Variants in PARD6G observed in about 807,000 individuals in gnomAD.
PARD6G encodes par-6 family cell polarity regulator gamma, also known as partitioning defective 6 homolog gamma.
PARD6G carries 7 observed loss-of-function variants against 10.7 expected under a neutral mutation model. The observed-to-expected ratio is 0.66, with a 90% CI of 0.37 to 1.23. The LOEUF is 1.23. PARD6G is among the 50% of genes most tolerant of loss of function. The pLI, the probability that PARD6G is intolerant of heterozygous loss-of-function variation, is 0.02. For missense variants in PARD6G, 548 were observed against 571.8 expected (o/e 0.96, Z 0.42); for synonymous variants, 287 against 269.4 (o/e 1.07, Z -0.64).
chr18:80,224,847 A>AG (rs71852556), intron 1 of PARD6G, among the ~76,000 whole-genome samples: 2 of 101,246 alleles, frequency 2.0e-5, no homozygotes, highest in East Asian at 1.1e-3. Flanking sequence ...ACTCCGTTTC[A>AG]AAAAAAAAAG....
rs1018230108 is a variant in PARD6G, at chr18:80,183,043, C to T, written c.295+19667G>A. ...CTCATGAGGGGCCAGCTGCGTGGGC[C>T]ATCCATTCTCTACCATGGCATGCCG... On this transcript the variant is annotated intron_variant, in intron 2 of 2. Coordinates refer to ENST00000353265, the MANE Select transcript of PARD6G (RefSeq NM_032510.4). This position sits in a 1 kb window ranked among gnomAD's most constrained non-coding sequence, Gnocchi z 4.5. 1 of 699,560 alleles carries T rather than the reference C, an allele frequency of 1.4e-6. No homozygotes were observed. The highest frequency in any genetic ancestry group is 2.6e-6 in the Non-Finnish European group (1 of 383,374). The allele number at this position is 699,560 out of a possible 1,614,324, so 43.3% of individuals were successfully genotyped here.
chr18:80,223,496 T>C (rs1246784402), intron 1 of PARD6G, among the ~76,000 whole-genome samples: 2 of 152,222 alleles, frequency 1.3e-5, no homozygotes, highest in East Asian at 3.9e-4. Context: ...GATACACAGA[T>C]GACCAAAAAA....
At chr18:80,209,916 A>C (rs1263721538) in intron 1 of PARD6G, among the ~76,000 whole-genome samples, 1 of 152,242 alleles carries the variant, frequency 6.6e-6, no homozygotes, top group Non-Finnish European at 1.5e-5. Flanking sequence ...AAAATAAGAA[A>C]TGTCCATCTA....
intron 2 of PARD6G, among the ~76,000 whole-genome samples, chr18:80,172,421 C>T (rs988237829): frequency 2.7e-5 from 4 of 150,894 alleles, no homozygotes; most frequent in Admixed American, 6.6e-5. Context: ...GTCTGTTGCC[C>T]GAGCTGGAAT....
intron 2 of PARD6G, chr18:80,162,468 C>T (rs1399417583): frequency 1.2e-5 from 2 of 168,994 alleles, no homozygotes; most frequent in African/African-American, 2.4e-5. Context: ...CAAGTCCTTT[C>T]TTGCACACTC....
intron 1 of PARD6G, among the ~76,000 whole-genome samples, chr18:80,222,353 T>G (rs1018189124): frequency 6.6e-6 from 1 of 152,068 alleles, no homozygotes; most frequent in Admixed American, 6.6e-5. Context: ...CCTCCCAAAG[T>G]GTTGGGACTA....
chr18:80,220,985 T>C (rs1424830115), intron 1 of PARD6G, among the ~76,000 whole-genome samples: 4 of 152,166 alleles, frequency 2.6e-5, no homozygotes, highest in African/African-American at 9.7e-5. Flanking sequence ...GACTGATTCC[T>C]AGAAAAAGAC....
intron 1 of PARD6G, among the ~76,000 whole-genome samples, chr18:80,206,440 C>A (rs1159484023): frequency 6.6e-6 from 1 of 152,174 alleles, no homozygotes; most frequent in Non-Finnish European, 1.5e-5. Flanking sequence ...AAAGTCCTTC[C>A]AGTATACTTA....
intron 1 of PARD6G, among the ~76,000 whole-genome samples, chr18:80,212,357 T>C (rs1381976667): frequency 6.6e-6 from 1 of 152,142 alleles, no homozygotes; most frequent in Non-Finnish European, 1.5e-5. Flanking sequence ...AATGAATAAA[T>C]ACAAATTATT....
intron 1 of PARD6G, among the ~76,000 whole-genome samples, chr18:80,217,978 A>G (rs2145291901): frequency 6.6e-6 from 1 of 152,298 alleles, no homozygotes; most frequent in East Asian, 1.9e-4. Flanking sequence ...GAATTCACTC[A>G]CTATCACAAG....
rs1010590636 is a variant in PARD6G, at chr18:80,246,767, G to T, written c.72+510C>A. Among the ~76,000 whole-genome samples the T allele has an allele frequency of 2.0e-5, 3 of 151,984 alleles. No homozygotes were observed. The highest frequency in any genetic ancestry group is 4.4e-5 in the Non-Finnish European group (3 of 67,932). ...GGTGCCTAGATGTTTGGTACCGAGC[G>T]GGTGGGGGACGCCGGGCTCGGAGCC... On this transcript the variant is annotated intron_variant, in intron 1 of 2. Transcript: ENST00000353265. This position sits in a 1 kb window ranked among gnomAD's most constrained non-coding sequence, Gnocchi z 6.7.
rs183459031 is a variant in PARD6G at position 80,237,355 on chromosome 18, A to G, written c.72+9922T>C. 2.4e-3 allele frequency among the ~76,000 whole-genome samples: 370 copies of G among 152,338 alleles called. 1 individual carries two copies. The highest frequency in any genetic ancestry group is 7.7e-3 in the African/African-American group (322 of 41,586). Reference sequence around the variant, plus strand: ...CACCTTATACAAAAATTAATTCAAGATGGATTAAAGACTTAAATGTTAGAC... The same window carrying G: ...CACCTTATACAAAAATTAATTCAAGGTGGATTAAAGACTTAAATGTTAGAC... On this transcript the variant is annotated intron_variant, in intron 1 of 2. Transcript: ENST00000353265.
In PARD6G at chr18:80,159,639, G is replaced by C; in HGVS notation, c.*132C>G. The C allele has an allele frequency of 2.4e-6, 3 of 1,261,108 alleles. No individual in the cohort carries two copies. Among genetic ancestry groups the C allele is most frequent in the Non-Finnish European group, 3.0e-6 (3 of 990,320 alleles). 78.1% of individuals were successfully genotyped at this position (1,261,108 alleles called of 1,614,324 possible). On this transcript the variant is annotated 3_prime_UTR_variant, in exon 3 of 3. Transcript: ENST00000353265. ...AGGCAATACTTGTGTTTTTATATCC[G>C]GAAGTTGAAACAAAGAGCAGCGTTG... is the stretch of plus-strand genomic sequence containing the variant.
At chr18:80,214,240 G>A (rs1026653572) in intron 1 of PARD6G, among the ~76,000 whole-genome samples, 1 of 152,082 alleles carries the variant, frequency 6.6e-6, no homozygotes, top group African/African-American at 2.4e-5. Flanking sequence ...AGTGGATCAC[G>A]AGATGTCAGG....
In PARD6G at chr18:80,180,876, G is replaced by A. The variant is rs1345405354; in HGVS notation, c.296-20270C>T. On this transcript the variant is annotated intron_variant, in intron 2 of 2. Transcript: ENST00000353265. The surrounding 1 kb of genome is among the most constrained non-coding windows in gnomAD (Gnocchi z 5.6). ...GACATTCTAATTGGCACAAGTTGGG[G>A]GGAAGCTCCTGGTATCTAGACAGCA... 1.3e-5 allele frequency among the ~76,000 whole-genome samples: 2 copies of A among 152,170 alleles called. No individual in the cohort carries two copies. The highest frequency in any genetic ancestry group is 2.9e-5 in the Non-Finnish European group (2 of 68,024).
chr18:80,202,704 C>T lies in PARD6G; in HGVS notation c.295+6G>A. 2 of 1,611,724 alleles carry T rather than the reference C, an allele frequency of 1.2e-6. No homozygotes were observed. Among genetic ancestry groups the T allele is most frequent in the Admixed American group, 1.7e-5 (1 of 60,010 alleles). ...AGACCAGCCGGCCACTCAACCACTTCAGTACCTCGTTTCTGGATGAAGACC... is the reference window on the plus strand; with the variant it reads ...AGACCAGCCGGCCACTCAACCACTTTAGTACCTCGTTTCTGGATGAAGACC... On this transcript the variant is annotated splice_donor_region_variant and intron_variant, in intron 2 of 2. Coordinates refer to ENST00000353265, the MANE Select transcript of PARD6G (RefSeq NM_032510.4).
rs576964569 is a variant in PARD6G at position 80,231,382 on chromosome 18, G to A, written c.72+15895C>T. On this transcript the variant is annotated intron_variant, in intron 1 of 2. Coordinates refer to ENST00000353265, the MANE Select transcript of PARD6G (RefSeq NM_032510.4). This position sits in a 1 kb window ranked among gnomAD's most constrained non-coding sequence, Gnocchi z 4.2. Reference sequence around the variant, plus strand: ...GTGGAAGAAAGTGGGGTCCCATTCCGATGTGAGCTCATGATACATGGAGGA... The same window carrying A: ...GTGGAAGAAAGTGGGGTCCCATTCCAATGTGAGCTCATGATACATGGAGGA... 6.6e-6 allele frequency among the ~76,000 whole-genome samples: 1 copy of A among 152,324 alleles called. No homozygotes were observed. Among genetic ancestry groups the A allele is most frequent in the South Asian group, 2.1e-4 (1 of 4,828 alleles).
chr18:80,215,768 A>AGGATTT (rs1967158576), intron 1 of PARD6G, among the ~76,000 whole-genome samples: 1 of 152,204 alleles, frequency 6.6e-6, no homozygotes, highest in Admixed American at 6.5e-5. Flanking sequence ...CTACTATGTC[A>AGGATTT]GTAATTAAAT....
chr18:80,196,654 A>G (rs1966958433), intron 2 of PARD6G, among the ~76,000 whole-genome samples: 1 of 152,190 alleles, frequency 6.6e-6, no homozygotes. Flanking sequence ...AAGAGAATCA[A>G]GGCAGAGAGC....
Sources: gnomAD v4.1 joint callset for allele counts (sites outside exome capture counted in the v4.1 genomes callset) on GRCh38, gnomAD v4.1.1 for gene constraint, Gnocchi (gnomAD v3.1) non-coding constraint, MANE v1.5 for transcripts, NCBI Gene and HGNC (gene_info 2026-07-23, HGNC 2026-07-21) for gene names.